CDIN1: variants seen among roughly 807,000 people sequenced by gnomAD.
CDIN1 encodes the protein CDAN1 interacting nuclease 1, also known as CDAN1-interacting nuclease 1.
CDIN1 carries 33 observed loss-of-function variants against 45.3 expected under a neutral mutation model. The observed-to-expected ratio is 0.73, with a 90% CI of 0.55 to 0.97. The LOEUF is 0.97. Among genes scored for constraint, CDIN1 ranks in the 50% least tolerant of loss-of-function variants. The pLI is 0.00. For synonymous variants in CDIN1, 118 were observed against 124.4 expected, an observed-to-expected ratio of 0.95 and a Z score of 0.34; for missense variants, 303 against 339.4, an observed-to-expected ratio of 0.89 and a Z score of 0.84.
intron 3 of CDIN1, chr15:36,647,733 A>G (rs2040395387): frequency 6.6e-6 from 1 of 151,428 alleles, no homozygotes; most frequent in African/African-American, 2.4e-5. Flanking sequence ...TGTTATATCA[A>G]AATATATTTA....
intron 2 of CDIN1, among the ~76,000 whole-genome samples, chr15:36,644,538 T>C (rs186521382): frequency 3.3e-5 from 5 of 152,292 alleles, no homozygotes; most frequent in Admixed American, 3.3e-4. Flanking sequence ...GGTGGACCTG[T>C]AATAAATTAT....
chr15:36,633,131 A>G (rs927607571), intron 1 of CDIN1, among the ~76,000 whole-genome samples: 4 of 152,226 alleles, frequency 2.6e-5, no homozygotes, highest in Non-Finnish European at 5.9e-5. Context: ...TAATTTTGTT[A>G]TAAAATATAG....
At chr15:36,728,812 T>C (rs1348842649) in intron 10 of CDIN1, among the ~76,000 whole-genome samples, 3 of 152,124 alleles carry the variant, frequency 2.0e-5, no homozygotes, top group East Asian at 3.9e-4. Context: ...TAGCTGGGAC[T>C]ATAGACGCGT....
Position 36,657,820 on chromosome 15 carries a change from C to T in CDIN1, c.274-13C>T. On this transcript the variant is annotated splice_polypyrimidine_tract_variant and intron_variant, in intron 4 of 10. Transcript: ENST00000566621. ...ACTTGATAGTTTTAATTTTCTACTT[C>T]TGTTTTATAAAGGTGGACTATGCGC... 6.2e-7 allele frequency: 1 copy of T among 1,603,034 alleles called. No homozygotes were observed. Among genetic ancestry groups the T allele is most frequent in the Non-Finnish European group, 8.5e-7 (1 of 1,173,860 alleles).
intron 10 of CDIN1, among the ~76,000 whole-genome samples, chr15:36,736,234 A>G (rs1046990282): frequency 6.6e-6 from 1 of 152,138 alleles, no homozygotes; most frequent in Non-Finnish European, 1.5e-5. Flanking sequence ...CTTGTCTCAA[A>G]TGAAGGTGGC....
chr15:36,583,725 A>G (rs533360367), intron 1 of CDIN1, among the ~76,000 whole-genome samples: 1 of 152,328 alleles, frequency 6.6e-6, no homozygotes, highest in Admixed American at 6.5e-5. Context: ...ACTTCTAAAT[A>G]AAGACCCAAG....
intron 10 of CDIN1, among the ~76,000 whole-genome samples, chr15:36,746,752 CTTTTTTTT>C (rs760613983): frequency 2.7e-5 from 2 of 74,352 alleles, no homozygotes; most frequent in Non-Finnish European, 2.4e-5. Context: ...GGAAACGTGT[CTTTTTTTT>C]TTTTTTTTTT....
At chr15:36,717,555 A>C (rs2043257588) in intron 10 of CDIN1, among the ~76,000 whole-genome samples, 1 of 152,096 alleles carries the variant, frequency 6.6e-6, no homozygotes, top group South Asian at 2.1e-4. Context: ...CTGTTTATTT[A>C]TCCATTCACC....
intron 10 of CDIN1, among the ~76,000 whole-genome samples, chr15:36,738,743 C>T (rs4467033): frequency 0.77 from 117,819 of 152,026 alleles, 46,295 homozygotes; most frequent in East Asian, 0.96. Context: ...CTTTTTTGTT[C>T]CATGTTTCTC....
At chr15:36,800,689 G>A (rs2054982273) in intron 10 of CDIN1, among the ~76,000 whole-genome samples, 1 of 151,406 alleles carries the variant, frequency 6.6e-6, no homozygotes. Context: ...TGAACTATGT[G>A]TTTGAAAACG....
chr15:36,641,971 T>C (rs936249004), intron 1 of CDIN1: 1 of 152,256 alleles, frequency 6.6e-6, no homozygotes, highest in African/African-American at 2.4e-5. Context: ...CTAGTGAAAG[T>C]TGAATTTATT....
chr15:36,669,322 A>C (rs1398243625), intron 5 of CDIN1, among the ~76,000 whole-genome samples: 2 of 152,136 alleles, frequency 1.3e-5, no homozygotes, highest in Non-Finnish European at 2.9e-5. Flanking sequence ...ACATTCTCAA[A>C]AGTAACAGGG....
intron 1 of CDIN1, among the ~76,000 whole-genome samples, chr15:36,608,120 A>G (rs1190333335): frequency 6.6e-6 from 1 of 152,148 alleles, no homozygotes; most frequent in Non-Finnish European, 1.5e-5. Flanking sequence ...TTGGGCTATT[A>G]TGATTAAATG....
At chr15:36,648,906 T>A (rs2040463489) in intron 3 of CDIN1, 1 of 152,212 alleles carries the variant, frequency 6.6e-6, no homozygotes, top group Admixed American at 6.5e-5. Context: ...GCTGGTTGCA[T>A]ATGTTGAACA....
intron 1 of CDIN1, among the ~76,000 whole-genome samples, chr15:36,583,618 A>C (rs1465346520): frequency 1.3e-5 from 2 of 152,216 alleles, no homozygotes; most frequent in Non-Finnish European, 2.9e-5. Context: ...ACTTTAAGTG[A>C]AACAATGTAT....
intron 10 of CDIN1, among the ~76,000 whole-genome samples, chr15:36,739,928 G>A (rs981965663): frequency 3.9e-5 from 6 of 152,110 alleles, no homozygotes; most frequent in Non-Finnish European, 8.8e-5. Flanking sequence ...AACTCTGATT[G>A]AATATGTATC....
At chr15:36,776,800 C>T (rs1029587188) in intron 10 of CDIN1, among the ~76,000 whole-genome samples, 2 of 152,108 alleles carry the variant, frequency 1.3e-5, no homozygotes, top group African/African-American at 4.8e-5. Context: ...TTGCCAGTCG[C>T]CCAACATAGT....
chr15:36,640,864 T>G (rs1566857551), intron 1 of CDIN1, among the ~76,000 whole-genome samples: 1 of 152,226 alleles, frequency 6.6e-6, no homozygotes, highest in African/African-American at 2.4e-5. Context: ...GGAACTAGTT[T>G]GTTGCCTGTT....
At chr15:36,620,069 C>A (rs1046425134) in intron 1 of CDIN1, among the ~76,000 whole-genome samples, 1 of 152,014 alleles carries the variant, frequency 6.6e-6, no homozygotes, top group African/African-American at 2.4e-5. Context: ...TTGAAAATTT[C>A]GGCCGGGTGC....
Sources: gnomAD v4.1 joint callset for allele counts (sites outside exome capture counted in the v4.1 genomes callset) on GRCh38, gnomAD v4.1.1 for gene constraint, MANE v1.5 for transcripts, NCBI Gene and HGNC (gene_info 2026-07-23, HGNC 2026-07-21) for gene names.